The following CD81 variants were observed in gnomAD, a reference collection of about 807,000 sequenced individuals.
CD81 encodes the protein CD81 antigen.
Under a neutral mutation model 30.1 loss-of-function variants are expected in CD81, and 10 were observed. That is an observed-to-expected ratio of 0.33 (90% CI 0.21 to 0.56). The LOEUF is 0.56. Among genes scored for constraint, CD81 ranks in the 20% least tolerant of loss-of-function variants. The probability of loss-of-function intolerance (pLI) is 0.89; values close to 1 mark genes in which losing one functional copy is unlikely to be tolerated. For missense variants in CD81, 263 were observed against 308.7 expected (o/e 0.85, Z 1.11); for synonymous variants, 147 against 126.4 (o/e 1.16, Z -1.10).
At chr11:2,396,044 G>C (rs1349982896) in intron 6 of CD81, 74 bp downstream of exon 6, 2 of 993,682 alleles carry the variant, frequency 2.0e-6, no homozygotes, top group East Asian at 4.9e-5. Context: ...GGGGTGGGCA[G>C]GTCACACGGC....
intron 1 of CD81, chr11:2,389,964 C>G (rs1849868011): frequency 6.2e-6 from 2 of 324,150 alleles, no homozygotes; most frequent in South Asian, 5.3e-5. Flanking sequence ...CTGGGATGCT[C>G]AGGTCCTGGT....
intron 1 of CD81, among the ~76,000 whole-genome samples, chr11:2,383,056 C>T (rs1055442254): frequency 2.6e-4 from 40 of 152,276 alleles, no homozygotes; most frequent in African/African-American, 9.1e-4. Flanking sequence ...CTCCTGGTCC[C>T]GAGGGAAGTG....
chr11:2,396,371 C>A (rs565288671), intron 6 of CD81: 2 of 597,872 alleles, frequency 3.3e-6, no homozygotes, highest in Non-Finnish European at 6.0e-6. Flanking sequence ...TCTAGTGACA[C>A]CAATGACCGT....
intron 7 of CD81, 42 bp from the exon 8 acceptor site, chr11:2,396,762 C>CGG (rs1850016262): frequency 6.2e-7 from 1 of 1,611,470 alleles, no homozygotes; most frequent in Non-Finnish European, 8.5e-7. Context: ...GCCCCTTCCG[C>CGG]GGGGCCTTGT....
chr11:2,395,536 G>C lies in CD81; in HGVS notation c.459+16G>C. On this transcript the variant is annotated intron_variant, in intron 5 of 7. Coordinates refer to ENST00000263645, the MANE Select transcript of CD81 (RefSeq NM_004356.4). ...CCACGAGACGGTGCGGCCCCGGGGG[G>C]CGAGGGCGGGGAGCAGGGCCCCGGG... 6.2e-7 allele frequency: 1 copy of C among 1,602,900 alleles called. No individual in the cohort carries two copies. Among genetic ancestry groups the C allele is most frequent in the Non-Finnish European group, 8.5e-7 (1 of 1,171,126 alleles).
rs758567193 is a variant in CD81 at position 2,395,892 on chromosome 11, A to C, written c.483A>C (p.Thr161=). The change falls in exon 6 of 8, where the codon ACA becomes ACC. Residue 161 remains threonine, a synonymous_variant. Coordinates refer to ENST00000263645, the MANE Select transcript of CD81 (RefSeq NM_004356.4). ...HETLDCCGSS[T]LTALTTSVLK... ...AGCTTGACTGCTGTGGCTCCAGCAC[A>C]CTGACTGCTTTGACCACCTCAGTGC... The C allele has an allele frequency of 8.1e-6, 13 of 1,612,072 alleles. No homozygotes were observed. The highest frequency in any genetic ancestry group is 1.0e-5 in the Non-Finnish European group (12 of 1,179,550).
intron 1 of CD81, among the ~76,000 whole-genome samples, chr11:2,382,738 G>A (rs1350436870): frequency 6.6e-6 from 1 of 152,232 alleles, no homozygotes; most frequent in Non-Finnish European, 1.5e-5. Context: ...TAATCTCAAA[G>A]CTCAAACCCA....
rs750498063 is a variant in CD81 at position 2,396,623 on chromosome 11, T to C, written c.562-5T>C. The stretch of plus-strand genomic sequence containing the variant: ...CTGACCACGCGTGCCTGGCCACCCC[T>C]GCAGGAGGACTGCCACCAGAAGATC... On this transcript the variant is annotated splice_region_variant and splice_polypyrimidine_tract_variant and intron_variant, in intron 6 of 7. Transcript: ENST00000263645. 6.2e-7 allele frequency: 1 copy of C among 1,610,634 alleles called. No homozygotes were observed. The highest frequency in any genetic ancestry group is 1.1e-5 in the South Asian group (1 of 91,080).
At chr11:2,376,871 C>G (rs1849600338), upstream of CD81, 1 of 152,398 alleles carries the variant, frequency 6.6e-6, no homozygotes, top group Admixed American at 6.5e-5. Context: ...TTTGCAAAGC[C>G]AACCACTGTG....
intron 1 of CD81, chr11:2,385,840 C>T (rs1380242667): frequency 1.7e-6 from 1 of 577,466 alleles, no homozygotes; most frequent in Admixed American, 2.7e-5. Context: ...CAGTTTGGGG[C>T]ATTTACAAGA....
intron 3 of CD81, chr11:2,394,700 G>T (rs1219257099): frequency 1.0e-5 from 6 of 574,758 alleles, no homozygotes; most frequent in African/African-American, 1.9e-5. Flanking sequence ...ACCAGCCTGT[G>T]ACCCCAAACC....
At chr11:2,392,420 T>C (rs1462351723) in intron 2 of CD81, 2 of 152,282 alleles carry the variant, frequency 1.3e-5, no homozygotes, top group Non-Finnish European at 2.9e-5. Flanking sequence ...AGGCTGGCGT[T>C]GGAAGCAGGT....
rs368611423 is a variant in CD81 at position 2,390,506 on chromosome 11, C to T, written c.161C>T (p.Ala54Val). The change falls in exon 2 of 8, where the codon GCG becomes GTG. Residue 54 changes from alanine (A) to valine (V), a missense_variant. Ala to Val is a moderately conservative substitution (Grantham distance 64). Transcript: ENST00000263645. ...LLYLELGDKP[A>V]PNTFYVGIYI... ...TATCTGGAGCTGGGAGACAAGCCCGCGCCCAACACCTTCTATGTAGGTGAG... is the reference window on the plus strand; with the variant it reads ...TATCTGGAGCTGGGAGACAAGCCCGTGCCCAACACCTTCTATGTAGGTGAG... The T allele has an allele frequency of 3.4e-5, 55 of 1,612,284 alleles. No individual in the cohort carries two copies. The highest frequency in any genetic ancestry group is 4.3e-5 in the Non-Finnish European group (51 of 1,179,440).
chr11:2,394,712 C>T, intron 3 of CD81: 1 of 587,720 alleles, frequency 1.7e-6, no homozygotes, highest in South Asian at 1.9e-5. Flanking sequence ...CCCCAAACCA[C>T]ACGCCCCGCC....
In CD81 at chr11:2,378,364, C is replaced by T. The variant is rs1483477461; in HGVS notation, c.66+749C>T. Among the ~76,000 whole-genome samples the T allele has an allele frequency of 3.9e-5, 6 of 152,142 alleles. No individual in the cohort carries two copies. The highest frequency in any genetic ancestry group is 7.4e-5 in the Non-Finnish European group (5 of 68,012). ...TGGAGGCCTCGCAGGAGTGGGGATC[C>T]CGCGGTTCTGAGTTGGCACAAGGAA... On this transcript the variant is annotated intron_variant, in intron 1 of 7. Transcript: ENST00000263645. This position sits in a 1 kb window ranked among gnomAD's most constrained non-coding sequence, Gnocchi z 4.9.
chr11:2,390,651 C>G lies in CD81; in HGVS notation c.181+125C>G, dbSNP rs572609393. On this transcript the variant is annotated intron_variant, in intron 2 of 7. Transcript: ENST00000263645. ...GGCATGGCGTGTCCGGGCAGGGAGG[C>G]GGCCCTGGAAAGGGCTCTGGGCACA... 3 of 749,938 alleles carry G rather than the reference C, an allele frequency of 4.0e-6. No individual in the cohort carries two copies. The East Asian group carries it at 8.0e-5, about 20-fold the overall frequency. 46.5% of individuals were successfully genotyped at this position (749,938 alleles called of 1,614,324 possible).
rs1389270135 is a variant in CD81 at position 2,396,893 on chromosome 11, C to A, written c.*27C>A. Reference sequence around the variant, plus strand: ...GCCCCGCAGCTCTGGCCACAGGGACCTCTGCAGTGCCCCCTAAGTGACCCG... The same window carrying A: ...GCCCCGCAGCTCTGGCCACAGGGACATCTGCAGTGCCCCCTAAGTGACCCG... On this transcript the variant is annotated 3_prime_UTR_variant, in exon 8 of 8. Coordinates refer to ENST00000263645, the MANE Select transcript of CD81 (RefSeq NM_004356.4). The A allele has an allele frequency of 3.1e-6, 5 of 1,608,474 alleles. No individual in the cohort carries two copies. The South Asian group carries it at 4.4e-5, about 14-fold the overall frequency.
At chr11:2,379,673 C>T (rs1212625990) in intron 1 of CD81, among the ~76,000 whole-genome samples, 1 of 152,012 alleles carries the variant, frequency 6.6e-6, no homozygotes, top group Non-Finnish European at 1.5e-5. Flanking sequence ...GTTTCCCAGG[C>T]AGCTGGGGTG....
intron 2 of CD81, chr11:2,391,598 C>T (rs1849901568): frequency 6.6e-6 from 1 of 152,222 alleles, no homozygotes. Flanking sequence ...CTGTCCTCCC[C>T]AGAGACAGAA....
Sources: gnomAD v4.1 joint callset for allele counts (sites outside exome capture counted in the v4.1 genomes callset) on GRCh38, gnomAD v4.1.1 for gene constraint, Gnocchi (gnomAD v3.1) non-coding constraint, MANE v1.5 for transcripts, NCBI Gene and HGNC (gene_info 2026-07-23, HGNC 2026-07-21) for gene names.